MAPK12: variants seen among roughly 807,000 people sequenced by gnomAD.
MAPK12 encodes mitogen-activated protein kinase 12.
Under a neutral mutation model 49.1 loss-of-function variants are expected in MAPK12, and 49 were observed. That is an observed-to-expected ratio of 1.00 (90% confidence interval 0.79 to 1.27). The LOEUF (loss-of-function observed/expected upper bound fraction) is 1.27, where lower values mean the gene tolerates loss of function less well. Among genes scored for constraint, MAPK12 ranks in the 50% most tolerant of loss-of-function variants. The pLI, the probability that MAPK12 is intolerant of heterozygous loss-of-function variation, is 0.00. For missense variants in MAPK12, 554 were observed against 502.4 expected (o/e 1.10, Z -0.98); for synonymous variants, 251 against 209.7 (o/e 1.20, Z -1.70).
intron 5 of MAPK12, 63 bp from the exon 6 acceptor site, chr22:50,256,709 C>G: frequency 6.4e-7 from 1 of 1,559,686 alleles, no homozygotes; most frequent in South Asian, 1.2e-5. Context: ...CAGCCAAGAG[C>G]CTGGGTGGCA....
chr22:50,253,835 T>TA, intron 11 of MAPK12: 1 of 329,698 alleles, frequency 3.0e-6, no homozygotes. Context: ...GCCAAACTCA[T>TA]AAGCACACGA....
chr22:50,260,080 G>C (rs937519009), intron 2 of MAPK12, among the ~76,000 whole-genome samples: 1 of 151,502 alleles, frequency 6.6e-6, no homozygotes, highest in Non-Finnish European at 1.5e-5. Flanking sequence ...ACGGGGTGTC[G>C]AGGTGCGGGC....
Position 50,253,456 on chromosome 22 carries a change from C to T in MAPK12, c.1049G>A (p.Ser350Asn). The T allele has an allele frequency of 1.3e-6, 2 of 1,518,712 alleles. No homozygotes were observed. The highest frequency in any genetic ancestry group is 1.8e-6 in the Non-Finnish European group (2 of 1,135,462). The allele number at this position is 1,518,712 out of a possible 1,614,324, so 94.1% of individuals were successfully genotyped here. Residue 350 changes from serine to asparagine, a missense_variant, in exon 12 of 12, where the codon AGC (serine) becomes AAC (asparagine). Transcript: ENST00000215659. ...WKRVTYKEVL[S>N]FKPPRQLGAR... ...CCCCAGCTGCCGGGGAGGCTTGAAG[C>T]TGAGCACCTCTTTGTAAGTAACACC...
chr22:50,258,183 C>T (rs1478396652), intron 3 of MAPK12, 60 bp downstream of exon 3: 5 of 1,528,584 alleles, frequency 3.3e-6, no homozygotes, highest in Non-Finnish European at 4.5e-6. Context: ...AACCTGAAGC[C>T]AGTGCCCAGA....
intron 3 of MAPK12, chr22:50,257,704 T>C: frequency 3.3e-6 from 2 of 611,796 alleles, no homozygotes; most frequent in Non-Finnish European, 5.9e-6. Flanking sequence ...ATTTAGCACC[T>C]TCCCAGAGGC....
At position 50,261,450 on chromosome 22, in the gene MAPK12, G is replaced by A; in HGVS notation, c.60C>T (p.Ala20=). The A allele has an allele frequency of 2.3e-6, 3 of 1,283,302 alleles. No homozygotes were observed. Among genetic ancestry groups the A allele is most frequent in the East Asian group, 5.0e-5 (1 of 19,968 alleles). 79.5% of individuals were successfully genotyped at this position (1,283,302 alleles called of 1,614,324 possible). ...GFYRQEVTKT[A]WEVRAVYRDL... is the part of the protein sequence containing the mutation. ...CCCGGTACACGGCGCGCACCTCCCA[G>A]GCCGTCTTGGTCACCTCCTGGCGGT... The change falls in exon 1 of 12, where the codon GCC becomes GCT. Residue 20 remains alanine, a synonymous_variant. Transcript: ENST00000215659.
chr22:50,261,548 G>A lies in MAPK12; in HGVS notation c.-39C>T, dbSNP rs887414473. 2 of 1,070,134 alleles carry A rather than the reference G, an allele frequency of 1.9e-6. No individual in the cohort carries two copies. Among genetic ancestry groups the A allele is most frequent in the African/African-American group, 1.7e-5 (1 of 58,310 alleles). 66.3% of individuals were successfully genotyped at this position (1,070,134 alleles called of 1,614,324 possible). ...GCTGCCCACCCCGCAGAGCCTGCGG[G>A]CGGTGCCCCCACGACCGGGGACGGG... On this transcript the variant is annotated 5_prime_UTR_variant, in exon 1 of 12. Coordinates refer to ENST00000215659, the MANE Select transcript of MAPK12 (RefSeq NM_002969.6).
rs777817736 is a variant in MAPK12, at chr22:50,261,516, C to T, written c.-7G>A. On this transcript the variant is annotated 5_prime_UTR_variant, in exon 1 of 12. Coordinates refer to ENST00000215659, the MANE Select transcript of MAPK12 (RefSeq NM_002969.6). The stretch of plus-strand genomic sequence containing the variant: ...CGGGCGGCGGAGAGCTCATGGCAGG[C>T]CCGGGAGCTGCCCACCCCGCAGAGC... 18 of 1,167,354 alleles carry T rather than the reference C, an allele frequency of 1.5e-5. No homozygotes were observed. Among genetic ancestry groups the T allele is most frequent in the Non-Finnish European group, 1.7e-5 (16 of 929,496 alleles). The allele number at this position is 1,167,354 out of a possible 1,614,324, so 72.3% of individuals were successfully genotyped here. A position where few individuals can be genotyped will look rare whatever the true frequency, so the allele number is the denominator to read the frequency against.
chr22:50,255,371 C>A lies in MAPK12; in HGVS notation c.851-1G>T. ...AGCATCTTCTCCAGGAGGTTCACAG[C>A]TGCGGGGGAAGGTGCATCAGGCCAG... On this transcript the variant is annotated splice_acceptor_variant, in intron 10 of 11. Transcript: ENST00000215659. LOFTEE classifies it high-confidence loss of function. 1 of 1,613,038 alleles carries A rather than the reference C, an allele frequency of 6.2e-7. No individual in the cohort carries two copies. The highest frequency in any genetic ancestry group is 8.5e-7 in the Non-Finnish European group (1 of 1,179,802).
At chr22:50,253,550 TCA>T (rs1434266790) in intron 11 of MAPK12, 70 bp from the exon 12 acceptor site, 2 of 790,644 alleles carry the variant, frequency 2.5e-6, no homozygotes, top group African/African-American at 1.7e-5. Flanking sequence ...TGGGAGTCGC[TCA>T]CAGACACGCC....
At chr22:50,257,230 C>G (rs1363493414) in intron 3 of MAPK12, 37 bp from the exon 4 acceptor site, 1 of 1,539,542 alleles carries the variant, frequency 6.5e-7, no homozygotes, top group African/African-American at 1.4e-5. Flanking sequence ...GCGGACAGAG[C>G]CAGCCTCTGC....
intron 5 of MAPK12, 34 bp from the exon 6 acceptor site, chr22:50,256,680 A>C: frequency 6.3e-7 from 1 of 1,592,518 alleles, no homozygotes; most frequent in Non-Finnish European, 8.5e-7. Context: ...ACTGTGCCCC[A>C]CCCTCCCAAG....
chr22:50,258,892 C>T (rs2065180123), intron 2 of MAPK12, among the ~76,000 whole-genome samples: 1 of 152,180 alleles, frequency 6.6e-6, no homozygotes, highest in African/African-American at 2.4e-5. Flanking sequence ...GGCTGCGGGA[C>T]ACCTGGCAGA....
chr22:50,253,655 A>G, intron 11 of MAPK12, 175 bp from the exon 12 acceptor site: 3 of 599,492 alleles, frequency 5.0e-6, no homozygotes, highest in Non-Finnish European at 9.0e-6. Context: ...CTAGATCTGG[A>G]TTTTCCAGGG....
At position 50,253,201 on chromosome 22, in the gene MAPK12, GA is replaced by G; in HGVS notation, c.*199del. The G allele has an allele frequency of 1.6e-5, 10 of 618,274 alleles. No individual in the cohort carries two copies. The South Asian group carries it at 1.6e-4, about 10-fold the overall frequency. The allele number at this position is 618,274 out of a possible 1,614,324, so 38.3% of individuals were successfully genotyped here. On this transcript the variant is annotated 3_prime_UTR_variant, in exon 12 of 12. Transcript: ENST00000215659. ...CCAGGTCGGCCAGAGGTCTTGTCCA[GA>G]AAGTTCAGGTGCTCCTCCATGATGG...
chr22:50,257,679 A>G, intron 3 of MAPK12: 1 of 597,220 alleles, frequency 1.7e-6, no homozygotes, highest in Admixed American at 2.9e-5. Flanking sequence ...GTGGAGACAG[A>G]CACAGGAGAA....
Position 50,253,206 on chromosome 22 carries a change from T to C in MAPK12, c.*195A>G. On this transcript the variant is annotated 3_prime_UTR_variant, in exon 12 of 12. Coordinates refer to ENST00000215659, the MANE Select transcript of MAPK12 (RefSeq NM_002969.6). Reference sequence around the variant, plus strand: ...TCGGCCAGAGGTCTTGTCCAGAAAGTTCAGGTGCTCCTCCATGATGGGCGC... The same window carrying C: ...TCGGCCAGAGGTCTTGTCCAGAAAGCTCAGGTGCTCCTCCATGATGGGCGC... 1 of 626,006 alleles carries C rather than the reference T, an allele frequency of 1.6e-6. No homozygotes were observed. Among genetic ancestry groups the C allele is most frequent in the Non-Finnish European group, 2.9e-6 (1 of 344,188 alleles). 38.8% of individuals were successfully genotyped at this position (626,006 alleles called of 1,614,324 possible).
intron 11 of MAPK12, chr22:50,254,080 C>T (rs561822022): frequency 6.2e-4 from 96 of 154,688 alleles, no homozygotes; most frequent in African/African-American, 2.1e-3. Context: ...GAAGAAGACA[C>T]AGCCTGCCAT....
chr22:50,256,911 A>G, intron 5 of MAPK12, 24 bp downstream of exon 5: 2 of 1,602,138 alleles, frequency 1.2e-6, no homozygotes, highest in Non-Finnish European at 8.5e-7. Flanking sequence ...AGGGCTGATG[A>G]GCGGCTTCTC....
Sources: gnomAD v4.1 joint callset for allele counts (sites outside exome capture counted in the v4.1 genomes callset) on GRCh38, gnomAD v4.1.1 for gene constraint, MANE v1.5 for transcripts, NCBI Gene and HGNC (gene_info 2026-07-23, HGNC 2026-07-21) for gene names.